Variants in PDS5A observed in about 807,000 individuals in gnomAD.
PDS5A encodes PDS5 cohesin associated factor A.
PDS5A carries 42 observed loss-of-function variants against 167.1 expected under a neutral mutation model. That is an observed-to-expected ratio of 0.25 (90% CI 0.20 to 0.33). The LOEUF (loss-of-function observed/expected upper bound fraction) is 0.33, where lower values mean the gene tolerates loss of function less well. Among genes scored for constraint, PDS5A ranks in the 10% least tolerant of loss-of-function variants. PDS5A has a pLI of 1.00. For synonymous variants in PDS5A, 553 were observed against 554.6 expected (o/e 1.00, Z 0.04); for missense variants, 1,033 against 1,605.9 (o/e 0.64, Z 6.10).
intron 22 of PDS5A, among the ~76,000 whole-genome samples, chr4:39,867,202 T>C (rs1435203409): frequency 1.3e-5 from 2 of 152,146 alleles, no homozygotes; most frequent in Non-Finnish European, 2.9e-5. Flanking sequence ...GATCTGTAAA[T>C]GTATTAACTT....
chr4:39,848,817 A>G, intron 28 of PDS5A, 34 bp downstream of exon 28: 1 of 1,530,868 alleles, frequency 6.5e-7, no homozygotes, highest in Non-Finnish European at 8.9e-7. Context: ...AAATCAGTTT[A>G]GTGTGGTAGG....
chr4:39,905,923 T>C (rs1352167358), intron 11 of PDS5A, among the ~76,000 whole-genome samples: 1 of 150,612 alleles, frequency 6.6e-6, no homozygotes, highest in African/African-American at 2.4e-5. Flanking sequence ...CTGAGGAAAC[T>C]GATTTAAAAA....
chr4:39,860,061 G>A (rs1002081996), intron 26 of PDS5A, among the ~76,000 whole-genome samples: 16 of 151,550 alleles, frequency 1.1e-4, no homozygotes, highest in South Asian at 2.1e-4. Flanking sequence ...TAACAAGATC[G>A]CATCTCTATA....
In PDS5A at chr4:39,914,512, C is replaced by A. The variant is rs370160777; in HGVS notation, c.877-786G>T. 8.2e-4 allele frequency among the ~76,000 whole-genome samples: 125 copies of A among 152,166 alleles called. 3 individuals carry two copies. Among genetic ancestry groups the A allele is most frequent in the Non-Finnish European group, 7.6e-4 (52 of 67,994 alleles). On this transcript the variant is annotated intron_variant, in intron 8 of 32. Transcript: ENST00000303538. ...CCTACGACTGGAGAATACGACACTACAGAATTTCATGATTCATGGAAACTC... is the reference window on the plus strand; with the variant it reads ...CCTACGACTGGAGAATACGACACTAAAGAATTTCATGATTCATGGAAACTC...
intron 29 of PDS5A, among the ~76,000 whole-genome samples, 175 bp from the exon 30 acceptor site, chr4:39,844,976 G>C (rs1717457252): frequency 6.6e-6 from 1 of 152,156 alleles, no homozygotes; most frequent in South Asian, 2.1e-4. Context: ...CCAGCACTTT[G>C]GGAGGTGGAT....
chr4:39,885,336 C>T (rs1721345197), intron 17 of PDS5A, among the ~76,000 whole-genome samples: 1 of 150,736 alleles, frequency 6.6e-6, no homozygotes, highest in Non-Finnish European at 1.5e-5. Context: ...CATGGTGGCT[C>T]ATGCCTGAAA....
At chr4:39,951,850 A>C (rs565859217) in intron 2 of PDS5A, among the ~76,000 whole-genome samples, 2 of 145,888 alleles carry the variant, frequency 1.4e-5, no homozygotes, top group African/African-American at 5.1e-5. Flanking sequence ...CAGTGAGCCA[A>C]GATCGCGCCA....
rs1283416475 is a variant in PDS5A, at chr4:39,838,195, T to C, written c.3671A>G (p.Asp1224Gly). 1 of 1,570,240 alleles carries C rather than the reference T, an allele frequency of 6.4e-7. No homozygotes were observed. Among genetic ancestry groups the C allele is most frequent in the Admixed American group, 2.0e-5 (1 of 50,352 alleles). The part of the protein sequence containing the change: ...DPVKNKEINS[D>G]QATQGNISSD... ...GCTGATGTTGCCCTGGGTAGCCTGA[T>C]CAGAATTAATTTCCTAAAAAAGCAC... Residue 1224 changes from aspartate (D) to glycine (G), a missense_variant, in exon 32 of 33, where the codon GAT (aspartate) becomes GGT (glycine). Transcript: ENST00000303538.
intron 31 of PDS5A, among the ~76,000 whole-genome samples, chr4:39,840,605 A>G (rs1716905075): frequency 6.6e-6 from 1 of 151,712 alleles, no homozygotes; most frequent in Admixed American, 6.6e-5. Flanking sequence ...CACGTTGGCC[A>G]GGCTGGTCTG....
chr4:39,865,622 T>C (rs575872920), intron 23 of PDS5A, among the ~76,000 whole-genome samples: 18 of 152,346 alleles, frequency 1.2e-4, no homozygotes, highest in African/African-American at 4.1e-4. Flanking sequence ...ACCTCCTGGG[T>C]TCAAGTGATT....
chr4:39,889,135 G>A (rs972309915), intron 17 of PDS5A, among the ~76,000 whole-genome samples: 1 of 152,184 alleles, frequency 6.6e-6, no homozygotes, highest in African/African-American at 2.4e-5. Flanking sequence ...GGTAAAATAA[G>A]ATTGAATGGG....
chr4:39,836,185 G>A (rs1445731767), intron 32 of PDS5A, among the ~76,000 whole-genome samples: 1 of 152,150 alleles, frequency 6.6e-6, no homozygotes, highest in Non-Finnish European at 1.5e-5. Flanking sequence ...TAATGAAAAA[G>A]GGAGGCAGAG....
intron 21 of PDS5A, among the ~76,000 whole-genome samples, chr4:39,872,412 C>T (rs898560325): frequency 6.6e-6 from 1 of 152,058 alleles, no homozygotes; most frequent in Non-Finnish European, 1.5e-5. Flanking sequence ...CACCTGTAAT[C>T]CCAGCACTTG....
At chr4:39,940,830 CTTG>C (rs796735068) in intron 2 of PDS5A, among the ~76,000 whole-genome samples, 86 of 152,204 alleles carry the variant, frequency 5.7e-4, no homozygotes, top group African/African-American at 2.0e-3. Context: ...ATTTTGGGGT[CTTG>C]TTGTTTGTTT....
intron 32 of PDS5A, among the ~76,000 whole-genome samples, chr4:39,831,379 G>A (rs753601020): frequency 3.3e-5 from 5 of 152,020 alleles, no homozygotes; most frequent in African/African-American, 7.2e-5. Context: ...GATTACAGGC[G>A]TGAGCCACCG....
intron 2 of PDS5A, among the ~76,000 whole-genome samples, chr4:39,960,800 C>T (rs1729411118): frequency 6.6e-6 from 1 of 152,086 alleles, no homozygotes. Context: ...AGCTATTCTC[C>T]TGCCTCAGCC....
chr4:39,930,215 CAAAAAAAAAAAAAAAAAAAA>C (rs764983592), intron 2 of PDS5A, among the ~76,000 whole-genome samples: 2 of 35,088 alleles, frequency 5.7e-5, no homozygotes, highest in Non-Finnish European at 9.5e-5. Flanking sequence ...GACTCCATCT[CAAAAAAAAAAAAAAAAAAAA>C]AAAAAAAAAA....
At chr4:39,968,948 T>C (rs985014408) in intron 2 of PDS5A, among the ~76,000 whole-genome samples, 1 of 151,860 alleles carries the variant, frequency 6.6e-6, no homozygotes, top group African/African-American at 2.4e-5. Flanking sequence ...ACTAATTTTA[T>C]ATTTTTAGTA....
intron 2 of PDS5A, among the ~76,000 whole-genome samples, chr4:39,945,458 C>CAAAAAAAAAAAAAAAAAA (rs1210256217): frequency 1.0e-4 from 7 of 66,822 alleles, no homozygotes; most frequent in East Asian, 7.8e-4. Context: ...GAGACTGCCT[C>CAAAAAAAAAAAAAAAAAA]AAAAAAAAAA....
Sources: gnomAD v4.1 joint callset for allele counts (sites outside exome capture counted in the v4.1 genomes callset) on GRCh38, gnomAD v4.1.1 for gene constraint, MANE v1.5 for transcripts, NCBI Gene and HGNC (gene_info 2026-07-23, HGNC 2026-07-21) for gene names.